The following MANBA variants were observed in gnomAD, a reference collection of about 807,000 sequenced individuals.
MANBA encodes the protein mannosidase beta.
A neutral mutation model predicts 111.1 loss-of-function variants in MANBA; 83 were observed. That is an observed-to-expected ratio of 0.75 (90% confidence interval 0.63 to 0.90). The LOEUF (loss-of-function observed/expected upper bound fraction) is 0.90. Ranked by LOEUF, MANBA falls within the 40% of genes least tolerant of loss-of-function variation. The probability of loss-of-function intolerance (pLI) is 0.00; values close to 1 mark genes in which losing one functional copy is unlikely to be tolerated. For missense variants in MANBA, 1,036 were observed against 1,069.0 expected (o/e 0.97, Z 0.43); for synonymous variants, 370 against 378.7 (o/e 0.98, Z 0.27).
At chr4:102,726,344 C>T (rs922353117) in intron 2 of MANBA, among the ~76,000 whole-genome samples, 2 of 152,088 alleles carry the variant, frequency 1.3e-5, no homozygotes, top group African/African-American at 4.8e-5. Flanking sequence ...CTCCATAAGA[C>T]ACAATTTGGT....
intron 1 of MANBA, chr4:102,752,123 C>T (rs1415140562): frequency 3.9e-6 from 3 of 766,628 alleles, no homozygotes; most frequent in Non-Finnish European, 7.3e-6. Flanking sequence ...AGCTATGACT[C>T]CCATAGTGAC....
intron 1 of MANBA, among the ~76,000 whole-genome samples, chr4:102,737,021 T>C (rs1043606811): frequency 1.3e-5 from 2 of 151,654 alleles, no homozygotes; most frequent in African/African-American, 2.4e-5. Flanking sequence ...CCAAGCAAAA[T>C]ATAATAGTAC....
chr4:102,712,305 A>G (rs1401225062), intron 5 of MANBA, among the ~76,000 whole-genome samples: 2 of 152,220 alleles, frequency 1.3e-5, no homozygotes, highest in Non-Finnish European at 2.9e-5. Flanking sequence ...ATTAATTCAT[A>G]TAAAATTCAC....
chr4:102,740,848 T>C (rs1024283037), intron 1 of MANBA, among the ~76,000 whole-genome samples: 4 of 151,772 alleles, frequency 2.6e-5, no homozygotes, highest in Admixed American at 2.0e-4. Context: ...TAAAAAAAAA[T>C]CTAGAAGATA....
intron 14 of MANBA, among the ~76,000 whole-genome samples, chr4:102,637,970 T>G (rs1187898076): frequency 6.6e-6 from 1 of 152,218 alleles, no homozygotes; most frequent in Non-Finnish European, 1.5e-5. Flanking sequence ...TGGAATCTGA[T>G]GCAATCTGCA....
At chr4:102,728,228 T>A (rs1467266007) in intron 1 of MANBA, 3 of 537,614 alleles carry the variant, frequency 5.6e-6, no homozygotes, top group East Asian at 5.3e-5. Context: ...GAGCCTTTTT[T>A]CTTTGGCAGC....
intron 13 of MANBA, among the ~76,000 whole-genome samples, chr4:102,648,205 T>C (rs967088501): frequency 6.6e-6 from 1 of 152,114 alleles, no homozygotes; most frequent in Admixed American, 6.6e-5. Context: ...ATTTGTTATA[T>C]AACTCAGAAA....
chr4:102,744,926 C>G lies in MANBA; in HGVS notation c.177+15792G>C, dbSNP rs1723536475. On this transcript the variant is annotated intron_variant, in intron 1 of 16. Transcript: ENST00000647097. ...TCATAATAACTCTCACCCTACAAGT[C>G]AGGGAGCCAGTGTGGGGGTTTGGCT... is the stretch of plus-strand genomic sequence containing the variant. Among the ~76,000 whole-genome samples, 3 of 152,306 alleles carry G rather than the reference C, an allele frequency of 2.0e-5. No individual in the cohort carries two copies. In the South Asian group the frequency reaches 6.2e-4, roughly 32 times the overall value.
intron 1 of MANBA, among the ~76,000 whole-genome samples, chr4:102,756,497 T>C (rs1724023579): frequency 6.6e-6 from 1 of 151,974 alleles, no homozygotes; most frequent in Non-Finnish European, 1.5e-5. Flanking sequence ...GGGGGAGGGA[T>C]AGCATTAGGA....
chr4:102,651,173 G>T (rs1014929624), intron 12 of MANBA, among the ~76,000 whole-genome samples: 3 of 151,998 alleles, frequency 2.0e-5, no homozygotes, highest in Non-Finnish European at 4.4e-5. Context: ...GATACTATGA[G>T]AGTAGATGCT....
chr4:102,664,174 G>A (rs868307720), intron 11 of MANBA, among the ~76,000 whole-genome samples: 3 of 152,280 alleles, frequency 2.0e-5, no homozygotes, highest in African/African-American at 7.2e-5. Context: ...GTGTATGTGT[G>A]GAGAGCTGCA....
At chr4:102,702,502 T>A (rs1733106050) in intron 5 of MANBA, among the ~76,000 whole-genome samples, 1 of 152,070 alleles carries the variant, frequency 6.6e-6, no homozygotes, top group African/African-American at 2.4e-5. Context: ...CTACTTTTGG[T>A]CTTTGATGAT....
rs1363588835 is a variant in MANBA, at chr4:102,631,144, GTGTGTGTGTA to G, written c.*903_*912del. ...TGTGTGTGTGTGTGTGTGTGTGTGT[GTGTGTGTGTA>G]CATATAAAATGAGGATACTCTTAGA... On this transcript the variant is annotated 3_prime_UTR_variant, in exon 17 of 17. Transcript: ENST00000647097. 1 of 138,458 alleles carries G rather than the reference GTGTGTGTGTA, an allele frequency of 7.2e-6. No homozygotes were observed. Among genetic ancestry groups the G allele is most frequent in the East Asian group, 2.2e-4 (1 of 4,530 alleles). The allele number at this position is 138,458 out of a possible 1,614,324, so 8.6% of individuals were successfully genotyped here. A position where few individuals can be genotyped will look rare whatever the true frequency, so the allele number is the denominator to read the frequency against.
chr4:102,668,809 C>A, intron 10 of MANBA, 154 bp downstream of exon 10: 1 of 666,510 alleles, frequency 1.5e-6, no homozygotes. Context: ...AGCCATGACA[C>A]TGGGTACAAT....
At chr4:102,637,124 T>C (rs1413852569) in intron 14 of MANBA, among the ~76,000 whole-genome samples, 3 of 152,224 alleles carry the variant, frequency 2.0e-5, no homozygotes, top group Admixed American at 6.5e-5. Flanking sequence ...TTCCCAGCCA[T>C]GTGGAACTGT....
intron 1 of MANBA, among the ~76,000 whole-genome samples, chr4:102,741,535 C>A (rs1394681433): frequency 2.0e-5 from 3 of 152,138 alleles, no homozygotes; most frequent in Non-Finnish European, 4.4e-5. Flanking sequence ...ATGAAACCAG[C>A]CTAAATGCCC....
intron 10 of MANBA, chr4:102,666,961 T>C (rs1274282348): frequency 6.6e-6 from 1 of 152,214 alleles, no homozygotes; most frequent in South Asian, 2.1e-4. Flanking sequence ...CATTTCTGTA[T>C]GGTTTTTCAC....
At chr4:102,708,111 A>T (rs1221005028) in intron 5 of MANBA, among the ~76,000 whole-genome samples, 1 of 152,160 alleles carries the variant, frequency 6.6e-6, no homozygotes, top group African/African-American at 2.4e-5. Context: ...TCTAGACAAA[A>T]AATTAACAAA....
chr4:102,676,550 T>C (rs900378768), intron 7 of MANBA, among the ~76,000 whole-genome samples: 34 of 152,114 alleles, frequency 2.2e-4, no homozygotes, highest in Admixed American at 6.6e-4. Context: ...ATTAAGAGAT[T>C]TGACTGCAAT....
Sources: gnomAD v4.1 joint callset for allele counts (sites outside exome capture counted in the v4.1 genomes callset) on GRCh38, gnomAD v4.1.1 for gene constraint, MANE v1.5 for transcripts, NCBI Gene and HGNC (gene_info 2026-07-23, HGNC 2026-07-21) for gene names.